The following ZSCAN31 variants were observed in gnomAD, a reference collection of about 807,000 sequenced individuals.
The protein encoded by ZSCAN31 is zinc finger and SCAN domain containing 31, also known as zinc finger and SCAN domain-containing protein 31.
ZSCAN31 carries 14 observed loss-of-function variants against 22.5 expected under a neutral mutation model. The ratio of observed to expected loss-of-function variants is 0.62; its 90% CI spans 0.41 to 0.97. The LOEUF is 0.97. Ranked by LOEUF, ZSCAN31 falls within the 50% of genes least tolerant of loss-of-function variation. ZSCAN31 has a pLI of 0.00. For synonymous variants in ZSCAN31, 168 were observed against 169.8 expected, an observed-to-expected ratio of 0.99 and a Z score of 0.08; for missense variants, 424 against 483.4, an observed-to-expected ratio of 0.88 and a Z score of 1.15.
chr6:28,336,253 T>C (rs944708426), upstream of ZSCAN31: 5 of 152,212 alleles, frequency 3.3e-5, no homozygotes, highest in African/African-American at 9.7e-5. Flanking sequence ...GACTCCCTTA[T>C]TGCAAACCCC....
In ZSCAN31 at chr6:28,324,791, C is replaced by G. The variant is rs1259876111; in HGVS notation, c.*1375G>C. ...TTTATTTCCTCTCTTTTGAAATATT[C>G]TGATTCAGGTTTTGACTGTGGAGAA... On this transcript the variant is annotated 3_prime_UTR_variant, in exon 4 of 4. Coordinates refer to ENST00000344279, the MANE Select transcript of ZSCAN31 (RefSeq NM_030899.5). This position sits in a 1 kb window ranked among gnomAD's most constrained non-coding sequence, Gnocchi z 4.8. 6.6e-6 allele frequency: 1 copy of G among 152,144 alleles called. No homozygotes were observed. The highest frequency in any genetic ancestry group is 1.5e-5 in the Non-Finnish European group (1 of 68,020). The allele number at this position is 152,144 out of a possible 1,614,324, so 9.4% of individuals were successfully genotyped here.
intron 2 of ZSCAN31, among the ~76,000 whole-genome samples, chr6:28,350,582 T>G (rs544160674): frequency 5.9e-5 from 9 of 152,300 alleles, no homozygotes; most frequent in Non-Finnish European, 1.3e-4. Context: ...ACTGGGTTGT[T>G]GTGAGGATTG....
intron 1 of ZSCAN31, among the ~76,000 whole-genome samples, chr6:28,332,789 C>A (rs528668546): frequency 3.9e-5 from 6 of 152,312 alleles, no homozygotes; most frequent in Non-Finnish European, 8.8e-5. Flanking sequence ...TGTACTGAAG[C>A]CCATCTCTAG....
intron 3 of ZSCAN31, 120 bp downstream of exon 3, chr6:28,327,263 C>A: frequency 8.4e-7 from 1 of 1,193,982 alleles, no homozygotes. Flanking sequence ...TGTCACAGAA[C>A]TATTAAATGC....
chr6:28,354,156 TTC>T, exon 1 of ZSCAN31: 1 of 358,304 alleles, frequency 2.8e-6, no homozygotes, highest in Non-Finnish European at 5.5e-6. Context: ...AGATGGCCAG[TTC>T]TCTCTTACAG....
Position 28,331,146 on chromosome 6 carries a change from G to T in ZSCAN31, c.-95-1368C>A, listed in dbSNP as rs373344803. ...TTTATGGAAAACTGAGAGGCATCAA[G>T]GCTTTTATTTCATTGTTATGGTGTT... On this transcript the variant is annotated intron_variant, in intron 1 of 3. Coordinates refer to ENST00000344279, the MANE Select transcript of ZSCAN31 (RefSeq NM_030899.5). This position sits in a 1 kb window ranked among gnomAD's most constrained non-coding sequence, Gnocchi z 4.8. 1.7e-4 allele frequency among the ~76,000 whole-genome samples: 26 copies of T among 152,210 alleles called. No individual in the cohort carries two copies. The East Asian group carries it at 1.7e-3, about 10-fold the overall frequency.
At chr6:28,353,890 C>A (rs371283912) in exon 2 of ZSCAN31, 91 of 456,388 alleles carry the variant, frequency 2.0e-4, no homozygotes, top group African/African-American at 1.6e-3. Context: ...CAGGTTCCAG[C>A]CCATACTGAG....
At position 28,349,972 on chromosome 6, in the gene ZSCAN31, T is replaced by C. The variant is rs1764860318; in HGVS notation, c.-371+3890A>G. On this transcript the variant is annotated intron_variant, in intron 2 of 7. Coordinates refer to the ZSCAN31 transcript ENST00000396838. The surrounding 1 kb of genome is among the most constrained non-coding windows in gnomAD (Gnocchi z 4.1). ...GCTAGTTTCAAGCACTTTGTGAGTA[T>C]GGGGTGAATCGGCGTCGGCCTTCCA... The C allele has an allele frequency of 1.3e-5, 2 of 152,318 alleles. No individual in the cohort carries two copies. Among genetic ancestry groups the C allele is most frequent in the South Asian group, 2.1e-4 (1 of 4,834 alleles). The allele number at this position is 152,318 out of a possible 1,614,324, so 9.4% of individuals were successfully genotyped here.
intron 3 of ZSCAN31, 141 bp from the exon 4 acceptor site, chr6:28,326,995 A>C: frequency 2.3e-6 from 2 of 881,540 alleles, no homozygotes; most frequent in Non-Finnish European, 3.4e-6. Context: ...GGTTGGGTTA[A>C]ACAGGGATGT....
Position 28,347,659 on chromosome 6 carries a change from T to C in ZSCAN31, c.-370-5867A>G, listed in dbSNP as rs898367636. On this transcript the variant is annotated intron_variant, in intron 2 of 7. Transcript: ENST00000396838. This position sits in a 1 kb window ranked among gnomAD's most constrained non-coding sequence, Gnocchi z 5.2. ...AGGGGTCTTTACCTTTTATTGCCCT[T>C]GTTATATCCTGAGCATCTAAAGCTA... 1.3e-5 allele frequency among the ~76,000 whole-genome samples: 2 copies of C among 152,224 alleles called. No homozygotes were observed. The highest frequency in any genetic ancestry group is 4.8e-5 in the African/African-American group (2 of 41,464).
At chr6:28,330,786 C>T (rs939229267) in intron 1 of ZSCAN31, among the ~76,000 whole-genome samples, 1 of 151,752 alleles carries the variant, frequency 6.6e-6, no homozygotes. Context: ...AGAGGCCTCA[C>T]CAGAATATTC....
At chr6:28,338,288 T>G (rs527432060), upstream of ZSCAN31, among the ~76,000 whole-genome samples, 2 of 151,914 alleles carry the variant, frequency 1.3e-5, no homozygotes, top group South Asian at 4.2e-4. Context: ...GGGTCTGAGG[T>G]GGGAGGATTG....
chr6:28,353,992 G>A (rs1400774770), intron 1 of ZSCAN31: 1 of 454,286 alleles, frequency 2.2e-6, no homozygotes, highest in Non-Finnish European at 4.4e-6. Flanking sequence ...AGCAGCAGCT[G>A]CTGCAGCTCT....
intron 1 of ZSCAN31, among the ~76,000 whole-genome samples, chr6:28,334,869 G>A (rs1318995439): frequency 6.6e-6 from 1 of 152,208 alleles, no homozygotes; most frequent in Non-Finnish European, 1.5e-5. Context: ...TAATCTTGTG[G>A]TTATGTAGGG....
chr6:28,326,955 T>G (rs1415823465), intron 3 of ZSCAN31, 101 bp from the exon 4 acceptor site: 3 of 1,169,124 alleles, frequency 2.6e-6, no homozygotes, highest in Non-Finnish European at 3.6e-6. Flanking sequence ...AGACATGTTC[T>G]AGGAATGAAG....
upstream of ZSCAN31, chr6:28,354,266 G>A (rs895526733): frequency 3.6e-6 from 1 of 276,068 alleles, no homozygotes; most frequent in Admixed American, 4.3e-5. Flanking sequence ...TGTAAGCCAA[G>A]TATGAGCTTA....
intron 3 of ZSCAN31, 39 bp from the exon 4 acceptor site, chr6:28,326,893 C>T: frequency 2.0e-6 from 3 of 1,485,054 alleles, no homozygotes; most frequent in Non-Finnish European, 2.8e-6. Flanking sequence ...AATCTCTTTC[C>T]TTTATGAAAG....
chr6:28,344,958 G>A (rs1316320109), intron 2 of ZSCAN31, among the ~76,000 whole-genome samples: 10 of 143,988 alleles, frequency 6.9e-5, no homozygotes, highest in South Asian at 2.2e-4. Flanking sequence ...GGCAAAACCC[G>A]TTCTCTACTA....
rs747514507 is a variant in ZSCAN31, at chr6:28,329,480, T to G, written c.204A>C (p.Leu68=). 5 of 1,614,112 alleles carry G rather than the reference T, an allele frequency of 3.1e-6. No homozygotes were observed. Among genetic ancestry groups the G allele is most frequent in the Non-Finnish European group, 4.2e-6 (5 of 1,180,024 alleles). The part of the protein sequence containing the change: ...SRLRELCHQW[L]RPEIHTKEQI... ...GCTCTTTGGTGTGGATTTCTGGCCT[T>G]AGCCACTGATGACAGAGTTCTCGGA... The change falls in exon 2 of 4, where the codon CTA becomes CTC. Residue 68 remains leucine (L), a synonymous_variant. Transcript: ENST00000344279.
Sources: gnomAD v4.1 joint callset for allele counts (sites outside exome capture counted in the v4.1 genomes callset) on GRCh38, gnomAD v4.1.1 for gene constraint, Gnocchi (gnomAD v3.1) non-coding constraint, MANE v1.5 for transcripts, NCBI Gene and HGNC (gene_info 2026-07-23, HGNC 2026-07-21) for gene names.